The following PSMA6 variants were observed in gnomAD, a reference collection of about 807,000 sequenced individuals.
The protein encoded by PSMA6 is proteasome 20S subunit alpha 6, also known as proteasome subunit alpha type-6.
For synonymous variants in PSMA6, 88 were observed against 97.7 expected (o/e 0.90, Z 0.59); for missense variants, 170 against 294.8 (o/e 0.58, Z 3.10).
chr14:35,308,247 C>T (rs1211158705), intron 2 of PSMA6, 159 bp downstream of exon 2: 1 of 828,082 alleles, frequency 1.2e-6, no homozygotes, highest in African/African-American at 1.8e-5. Flanking sequence ...CATGGAGAAA[C>T]CCTGTCTCTA....
Position 35,317,308 on chromosome 14 carries a change from C to T in PSMA6, c.*2C>T. ...GTTGCTCTAGCAGAGAGAGACTAAA[C>T]ATTGTCGTTAGTTTACCAGATCCGT... is the stretch of plus-strand genomic sequence containing the variant. On this transcript the variant is annotated 3_prime_UTR_variant, in exon 7 of 7. Transcript: ENST00000261479. 2 of 1,605,110 alleles carry T rather than the reference C, an allele frequency of 1.2e-6. No homozygotes were observed. Among genetic ancestry groups the T allele is most frequent in the African/African-American group, 2.7e-5 (2 of 74,788 alleles).
At chr14:35,303,805 A>G (rs1048542185) in intron 1 of PSMA6, among the ~76,000 whole-genome samples, 2 of 152,186 alleles carry the variant, frequency 1.3e-5, no homozygotes, top group Non-Finnish European at 2.9e-5. Context: ...CTGAACATGT[A>G]CAGATTTTTT....
At chr14:35,283,691 G>A (rs752395356) in intron 1 of PSMA6, among the ~76,000 whole-genome samples, 4 of 151,796 alleles carry the variant, frequency 2.6e-5, no homozygotes, top group Non-Finnish European at 5.9e-5. Context: ...AAGTAACTGG[G>A]ACCGCTGGCA....
At chr14:35,291,220 CTTTT>C (rs549426154), upstream of PSMA6, among the ~76,000 whole-genome samples, 4 of 125,982 alleles carry the variant, frequency 3.2e-5, no homozygotes, top group East Asian at 2.4e-4. Context: ...GGCTTTCTTT[CTTTT>C]TTTTTTTTTT....
intron 1 of PSMA6, among the ~76,000 whole-genome samples, chr14:35,296,332 T>G (rs1226377086): frequency 1.3e-5 from 2 of 152,176 alleles, no homozygotes; most frequent in East Asian, 3.9e-4. Context: ...TTTGTTTGTT[T>G]GTTTGTTTGT....
upstream of PSMA6, among the ~76,000 whole-genome samples, chr14:35,288,949 T>C (rs2051448807): frequency 6.6e-6 from 1 of 152,214 alleles, no homozygotes; most frequent in South Asian, 2.1e-4. Flanking sequence ...CTTAAAACAT[T>C]ATGAGATTTT....
Position 35,312,887 on chromosome 14 carries a change from T to C in PSMA6, c.416T>C (p.Ile139Thr). ...GGGTCTTTTCTCTTTTTAGGTATGA[T>C]TTTAATTGGTATAGATGAAGAGCAA... ...AEMRPLGCCM[I>T]LIGIDEEQGP... The change falls in exon 5 of 7, where the codon ATT (isoleucine) becomes ACT (threonine). Residue 139 changes from isoleucine to threonine, a missense_variant. Transcript: ENST00000261479. 1 of 1,575,740 alleles carries C rather than the reference T, an allele frequency of 6.3e-7. No homozygotes were observed. The highest frequency in any genetic ancestry group is 2.4e-5 in the East Asian group (1 of 41,582).
intron 1 of PSMA6, among the ~76,000 whole-genome samples, chr14:35,305,128 A>G (rs1024308786): frequency 1.3e-5 from 2 of 149,264 alleles, no homozygotes; most frequent in African/African-American, 4.9e-5. Flanking sequence ...ATATTTGAAG[A>G]TTTCTTTTCT....
intron 2 of PSMA6, 43 bp downstream of exon 2, chr14:35,308,131 G>A: frequency 6.2e-7 from 1 of 1,602,730 alleles, no homozygotes. Flanking sequence ...CAGAATATAA[G>A]AATTTTTCAG....
chr14:35,292,806 A>C (rs1418628436), intron 1 of PSMA6: 13 of 618,968 alleles, frequency 2.1e-5, no homozygotes, highest in Non-Finnish European at 3.1e-5. Flanking sequence ...TAAGGAAGAT[A>C]GGGCTGTAAT....
At chr14:35,292,593 C>A in intron 1 of PSMA6, 41 bp downstream of exon 1, 1 of 1,607,990 alleles carries the variant, frequency 6.2e-7, no homozygotes, top group Non-Finnish European at 8.5e-7. Flanking sequence ...CTGAATTGCC[C>A]TGTCATGGTA....
At chr14:35,288,931 TAAACATTCTTA>T (rs541574252), upstream of PSMA6, among the ~76,000 whole-genome samples, 257 of 152,306 alleles carry the variant, frequency 1.7e-3, 1 homozygote, top group African/African-American at 5.9e-3. Context: ...CACAAATTTG[TAAACATTCTTA>T]AAACATTATG....
chr14:35,306,876 G>A (rs186838885), intron 1 of PSMA6, among the ~76,000 whole-genome samples: 27 of 152,296 alleles, frequency 1.8e-4, no homozygotes, highest in African/African-American at 6.5e-4. Flanking sequence ...GCCTGGCATG[G>A]TGGCTCACGC....
At chr14:35,295,452 T>C (rs2051566060) in intron 1 of PSMA6, among the ~76,000 whole-genome samples, 1 of 151,706 alleles carries the variant, frequency 6.6e-6, no homozygotes, top group Non-Finnish European at 1.5e-5. Context: ...CTTTTTCTTT[T>C]TTTTTTTTTT....
At chr14:35,309,033 T>C (rs370482294) in intron 3 of PSMA6, 38 bp downstream of exon 3, 38 of 1,365,654 alleles carry the variant, frequency 2.8e-5, no homozygotes, top group Non-Finnish European at 3.6e-5. Context: ...TCTGTAGATA[T>C]ACAAGCCTTT....
rs1057277387 is a variant in PSMA6 at position 35,303,109 on chromosome 14, C to T, written c.77-4885C>T. 5.3e-5 allele frequency among the ~76,000 whole-genome samples: 8 copies of T among 152,128 alleles called. No individual in the cohort carries two copies. The East Asian group carries it at 1.3e-3, about 26-fold the overall frequency. ...TATATTGAGAGTTCCGGATTGTATCCTGGACATTTATGAATGTTATTTTAT... is the reference window on the plus strand; with the variant it reads ...TATATTGAGAGTTCCGGATTGTATCTTGGACATTTATGAATGTTATTTTAT... On this transcript the variant is annotated intron_variant, in intron 1 of 6. Transcript: ENST00000261479.
intron 1 of PSMA6, among the ~76,000 whole-genome samples, chr14:35,298,762 T>G (rs2051648882): frequency 6.6e-6 from 1 of 152,022 alleles, no homozygotes; most frequent in Non-Finnish European, 1.5e-5. Context: ...GAGACAGAGT[T>G]TCACTCGGTT....
intron 1 of PSMA6, among the ~76,000 whole-genome samples, chr14:35,294,532 A>T (rs1458868579): frequency 6.6e-6 from 1 of 152,238 alleles, no homozygotes; most frequent in African/African-American, 2.4e-5. Context: ...CTTGCCAGGT[A>T]TGTAACCTTA....
chr14:35,292,303 C>T, upstream of PSMA6: 1 of 1,431,214 alleles, frequency 7.0e-7, no homozygotes, highest in Non-Finnish European at 9.2e-7. Flanking sequence ...GGGGGCGGGG[C>T]CTCAGAGCTC....
Sources: gnomAD v4.1 joint callset for allele counts (sites outside exome capture counted in the v4.1 genomes callset) on GRCh38, gnomAD v4.1.1 for gene constraint, MANE v1.5 for transcripts, NCBI Gene and HGNC (gene_info 2026-07-23, HGNC 2026-07-21) for gene names.